NASP: variants seen among roughly 807,000 people sequenced by gnomAD.
NASP encodes the protein NASP histone chaperone.
A neutral mutation model predicts 89.5 loss-of-function variants in NASP; 24 were observed. The ratio of observed to expected loss-of-function variants is 0.27; its 90% CI spans 0.19 to 0.38. The LOEUF (loss-of-function observed/expected upper bound fraction) is 0.38. Among genes scored for constraint, NASP ranks in the 10% least tolerant of loss-of-function variants. The pLI, the probability that NASP is intolerant of heterozygous loss-of-function variation, is 1.00. For missense variants in NASP, 848 were observed against 921.4 expected (o/e 0.92, Z 1.03); for synonymous variants, 306 against 324.7 (o/e 0.94, Z 0.62).
At chr1:45,596,622 A>ATTTTTAAT (rs1643702154) in intron 2 of NASP, among the ~76,000 whole-genome samples, 1 of 152,240 alleles carries the variant, frequency 6.6e-6, no homozygotes, top group Non-Finnish European at 1.5e-5. Flanking sequence ...AATACAAGAT[A>ATTTTTAAT]GACTGGTTTT....
chr1:45,617,515 A>G lies in NASP; in HGVS notation c.2210A>G (p.Gln737Arg). The change falls in exon 14 of 15, where the codon CAA (glutamine) becomes CGA (arginine). Residue 737 changes from glutamine to arginine, a missense_variant. Physicochemically the swap from Gln to Arg is conservative, Grantham distance 43. This residue lies in a region of NASP where 218 missense variants were observed against 219.6 expected (regional missense o/e 0.99). Transcript: ENST00000350030. ...PRKDDAKKAK[Q>R]EPEVNGGSGD... ...AAAGATGATGCAAAGAAAGCCAAAC[A>G]AGAGCCGGAGGTGAACGGAGGCAGT... is the stretch of plus-strand genomic sequence containing the variant. 6.2e-7 allele frequency: 1 copy of G among 1,613,672 alleles called. No individual in the cohort carries two copies. The highest frequency in any genetic ancestry group is 8.5e-7 in the Non-Finnish European group (1 of 1,179,812).
At chr1:45,614,578 G>A (rs1297201908) in intron 9 of NASP, among the ~76,000 whole-genome samples, 3 of 152,000 alleles carry the variant, frequency 2.0e-5, no homozygotes, top group Non-Finnish European at 4.4e-5. Flanking sequence ...TTGCTGTGTC[G>A]CCTAGGCTGG....
At position 45,613,255 on chromosome 1, in the gene NASP, TG is replaced by T. The variant is rs1349424866; in HGVS notation, c.1506+8del. On this transcript the variant is annotated splice_region_variant and intron_variant, in intron 7 of 14. Transcript: ENST00000350030. ...TTCAGTCCTTGAAAACAAGGTATGT[TG>T]TTAGCCACTCAGTACTGTTGTCAGC... 2 of 1,608,184 alleles carry T rather than the reference TG, an allele frequency of 1.2e-6. No individual in the cohort carries two copies. The highest frequency in any genetic ancestry group is 2.7e-5 in the African/African-American group (2 of 74,452).
At chr1:45,586,268 GT>G (rs1425951674) in intron 1 of NASP, among the ~76,000 whole-genome samples, 71 of 63,948 alleles carry the variant, frequency 1.1e-3, no homozygotes, top group Middle Eastern at 7.6e-3. Flanking sequence ...GTGTGTGTGT[GT>G]GTGTGTGTGT....
In NASP at chr1:45,607,851, C is replaced by A. The variant is rs759459986; in HGVS notation, c.940C>A (p.Pro314Thr). The A allele has an allele frequency of 6.2e-7, 1 of 1,614,032 alleles. No homozygotes were observed. The highest frequency in any genetic ancestry group is 1.1e-5 in the South Asian group (1 of 91,074). ...GCCAGTGGATGTGGGTGGGGACGAG[C>A]CAGAGGAGAAGGTAGTTACCTCTGA... ...VKPVDVGGDE[P>T]EEKVVTSENE... is the part of the protein sequence containing the mutation. Residue 314 changes from proline (P) to threonine (T), a missense_variant, in exon 6 of 15, where the codon CCA (proline) becomes ACA (threonine). By Grantham distance (38) the Pro-to-Thr change is conservative (BLOSUM62 -1). Coordinates refer to ENST00000350030, the MANE Select transcript of NASP (RefSeq NM_002482.4).
At chr1:45,600,098 T>C (rs1293919784) in intron 2 of NASP, among the ~76,000 whole-genome samples, 2 of 152,104 alleles carry the variant, frequency 1.3e-5, no homozygotes, top group South Asian at 2.1e-4. Context: ...GTATTGTTGA[T>C]TGAATTAAGA....
chr1:45,604,090 T>G (rs1643882610), intron 3 of NASP, among the ~76,000 whole-genome samples: 1 of 152,184 alleles, frequency 6.6e-6, no homozygotes, highest in South Asian at 2.1e-4. Context: ...TGTCTTATTC[T>G]AATCTAGTAG....
At chr1:45,592,538 G>T (rs1257355776) in intron 2 of NASP, among the ~76,000 whole-genome samples, 14 of 151,990 alleles carry the variant, frequency 9.2e-5, no homozygotes, top group Middle Eastern at 3.4e-3. Flanking sequence ...TTTTTGAGAT[G>T]GAGTCTCACT....
At position 45,584,180 on chromosome 1, in the gene NASP, G is replaced by C. The variant is rs768272841; in HGVS notation, c.34G>C (p.Ala12Pro). The C allele has an allele frequency of 1.3e-5, 20 of 1,596,556 alleles. No homozygotes were observed. ...AMESTATAAV[A>P]AELVSADKIE... is the part of the protein sequence containing the mutation. ...GGAGTCCACAGCCACTGCCGCCGTC[G>C]CCGCGGAGCTGGTTTCTGCCGACAA... The change falls in exon 1 of 15, where the codon GCC becomes CCC. Residue 12 changes from alanine (A) to proline (P), a missense_variant. Physicochemically the swap from Ala to Pro is conservative, Grantham distance 27. Around this residue, in one of 5 missense-constraint regions of NASP, gnomAD observed 89 missense variants for 79.2 expected, o/e 1.12. Transcript: ENST00000350030.
intron 2 of NASP, among the ~76,000 whole-genome samples, chr1:45,596,724 G>T (rs544914214): frequency 1.4e-4 from 22 of 152,340 alleles, no homozygotes; most frequent in African/African-American, 5.1e-4. Context: ...CAAGTGCTGT[G>T]GCTCACGCCT....
intron 2 of NASP, among the ~76,000 whole-genome samples, chr1:45,599,844 C>T (rs937976833): frequency 6.6e-6 from 1 of 152,164 alleles, no homozygotes; most frequent in South Asian, 2.1e-4. Flanking sequence ...TAATTCTTCC[C>T]CAGCTTACTC....
At chr1:45,596,581 TTA>T (rs1319611771) in intron 2 of NASP, among the ~76,000 whole-genome samples, 1 of 152,228 alleles carries the variant, frequency 6.6e-6, no homozygotes, top group African/African-American at 2.4e-5. Flanking sequence ...GACGTTGGGT[TTA>T]TGTAATCGTT....
intron 2 of NASP, among the ~76,000 whole-genome samples, chr1:45,595,627 A>G (rs1342527733): frequency 1.3e-5 from 2 of 152,194 alleles, no homozygotes; most frequent in Non-Finnish European, 2.9e-5. Flanking sequence ...CTTTTTGACC[A>G]CTGGCAGTGA....
At chr1:45,588,864 C>CCGAGAT (rs965368619) in intron 1 of NASP, 20 of 243,430 alleles carry the variant, frequency 8.2e-5, no homozygotes, top group African/African-American at 4.7e-4. Flanking sequence ...TTGCAGTGAG[C>CCGAGAT]CGAGATCGAG....
In NASP at chr1:45,618,395, G is replaced by A. The variant is rs1422293020; in HGVS notation, c.*254G>A. ...TAATTCCTATCTGTCTAACGTGGAG[G>A]TGATCAAGTGTGGCTGTAGGCCTTT... On this transcript the variant is annotated 3_prime_UTR_variant, in exon 15 of 15. Transcript: ENST00000350030. The A allele has an allele frequency of 9.3e-6, 3 of 323,014 alleles. No homozygotes were observed. The highest frequency in any genetic ancestry group is 6.3e-5 in the African/African-American group (3 of 47,482). The allele number at this position is 323,014 out of a possible 1,614,324, so 20.0% of individuals were successfully genotyped here. A position where few individuals can be genotyped will look rare whatever the true frequency, so the allele number is the denominator to read the frequency against.
intron 12 of NASP, 37 bp downstream of exon 12, chr1:45,616,430 A>G (rs767564244): frequency 1.2e-6 from 2 of 1,602,276 alleles, no homozygotes; most frequent in South Asian, 2.2e-5. Context: ...ACTTACATTA[A>G]GTCTCAGTGT....
intron 2 of NASP, among the ~76,000 whole-genome samples, chr1:45,599,224 G>A (rs146655607): frequency 0.026 from 4,021 of 152,094 alleles, 73 homozygotes; most frequent in Non-Finnish European, 0.04. Context: ...GAATTCCTGG[G>A]CTCAAACAGT....
At chr1:45,593,867 A>T (rs75662725) in intron 2 of NASP, among the ~76,000 whole-genome samples, 144 of 79,632 alleles carry the variant, frequency 1.8e-3, no homozygotes, top group East Asian at 5.1e-3. Flanking sequence ...AAAAAAAAAA[A>T]TTTTTTTTTT....
chr1:45,602,448 G>C, intron 3 of NASP, 83 bp downstream of exon 3: 1 of 1,289,494 alleles, frequency 7.8e-7, no homozygotes, highest in Non-Finnish European at 1.1e-6. Context: ...TGGGGAAAAA[G>C]CATGAAGAGC....
Sources: allele counts gnomAD v4.1 joint callset (sites outside exome capture counted in the v4.1 genomes callset), GRCh38; gene constraint gnomAD v4.1.1; regional missense constraint gnomAD v4.1.1; transcripts MANE v1.5; gene names NCBI Gene and HGNC (gene_info 2026-07-23, HGNC 2026-07-21).